Variants in ESRRG observed in about 807,000 individuals in gnomAD.
The protein encoded by ESRRG is estrogen related receptor gamma, also known as estrogen-related receptor gamma.
In ESRRG, 13 loss-of-function variants were observed where a neutral mutation model predicts 44.0. The observed-to-expected ratio is 0.30, with a 90% CI of 0.19 to 0.47. The LOEUF is 0.47. ESRRG is among the 20% of genes least tolerant of loss of function. The probability of loss-of-function intolerance (pLI) is 1.00; values close to 1 mark genes in which losing one functional copy is unlikely to be tolerated. For missense variants in ESRRG, 395 were observed against 580.6 expected, an observed-to-expected ratio of 0.68 and a Z score of 3.29; for synonymous variants, 215 against 214.6, an observed-to-expected ratio of 1.00 and a Z score of -0.02.
At chr1:216,660,427 A>G (rs1269580045) in intron 2 of ESRRG, among the ~76,000 whole-genome samples, 2 of 152,196 alleles carry the variant, frequency 1.3e-5, no homozygotes, top group Non-Finnish European at 2.9e-5. Flanking sequence ...AGGCAGAGAG[A>G]GAATAAGGTA....
rs763291110 is a variant in ESRRG at position 216,912,107 on chromosome 1, GAAGAA to G, written c.-14+27470_-14+27474del. Among the ~76,000 whole-genome samples the G allele has an allele frequency of 4.5e-3, 338 of 74,356 alleles. 4 individuals are homozygous for G. The highest frequency in any genetic ancestry group is 6.6e-3 in the Non-Finnish European group (236 of 35,868). The allele number at this position is 74,356 out of a possible 152,430, so 48.8% of individuals were successfully genotyped here. A position where few individuals can be genotyped will look rare whatever the true frequency, so the allele number is the denominator to read the frequency against. On this transcript the variant is annotated intron_variant, in intron 2 of 7. Transcript: ENST00000359162. ...GAGCAAGACCCACCCTGTAAAAAAA[GAAGAA>G]AAGAAAAGAAAAGAAAAGAAAAGAA...
At chr1:217,064,418 T>G (rs1200074349) in intron 1 of ESRRG, among the ~76,000 whole-genome samples, 2 of 152,174 alleles carry the variant, frequency 1.3e-5, no homozygotes, top group African/African-American at 4.8e-5. Context: ...TGAGGCTGAA[T>G]GATGCTAAGT....
At chr1:216,511,594 T>C (rs1361806308) in intron 6 of ESRRG, among the ~76,000 whole-genome samples, 1 of 105,520 alleles carries the variant, frequency 9.5e-6, no homozygotes. Flanking sequence ...TCTATGTGTG[T>C]CTGCATCCCC....
intron 3 of ESRRG, among the ~76,000 whole-genome samples, chr1:216,600,612 A>G (rs1402962395): frequency 6.6e-6 from 1 of 152,110 alleles, no homozygotes; most frequent in African/African-American, 2.4e-5. Context: ...AGGTTATTTC[A>G]TCACCCAGGT....
At chr1:217,045,679 C>A (rs545927770) in intron 1 of ESRRG, among the ~76,000 whole-genome samples, 2 of 152,164 alleles carry the variant, frequency 1.3e-5, no homozygotes, top group African/African-American at 2.4e-5. Flanking sequence ...CCATGTTAAC[C>A]GGGCTTTTCC....
At chr1:216,987,715 T>C (rs185395395) in intron 1 of ESRRG, among the ~76,000 whole-genome samples, 7 of 152,254 alleles carry the variant, frequency 4.6e-5, no homozygotes, top group Admixed American at 2.0e-4. Flanking sequence ...CCTTCTTCCT[T>C]ACCAAGTTAG....
intron 2 of ESRRG, among the ~76,000 whole-genome samples, chr1:216,931,277 AT>A (rs984624329): frequency 2.6e-5 from 4 of 151,834 alleles, no homozygotes; most frequent in African/African-American, 9.7e-5. Context: ...TTATTATTTC[AT>A]TTTTTCTAAC....
At chr1:216,789,472 C>T (rs36115884) in intron 2 of ESRRG, among the ~76,000 whole-genome samples, 30,799 of 152,048 alleles carry the variant, frequency 0.2, 3,422 homozygotes, top group South Asian at 0.28. Context: ...ACTTAATAGA[C>T]CACAGCATAG....
intron 2 of ESRRG, among the ~76,000 whole-genome samples, chr1:216,667,501 C>T (rs1342414219): frequency 6.6e-6 from 1 of 151,726 alleles, no homozygotes; most frequent in African/African-American, 2.4e-5. Context: ...GCTTGGCAAA[C>T]ATGGTGAAAC....
chr1:217,024,352 C>T (rs1363138639), intron 1 of ESRRG, among the ~76,000 whole-genome samples: 1 of 138,648 alleles, frequency 7.2e-6, no homozygotes, highest in Non-Finnish European at 1.5e-5. Flanking sequence ...AGCAAGAGTC[C>T]ATTTAAAAAA....
At chr1:216,596,117 A>G (rs1239783595) in intron 3 of ESRRG, among the ~76,000 whole-genome samples, 1 of 152,174 alleles carries the variant, frequency 6.6e-6, no homozygotes, top group Non-Finnish European at 1.5e-5. Flanking sequence ...CGAATGAGGA[A>G]CAACATAAAA....
chr1:216,692,975 C>T (rs1037506395), intron 1 of ESRRG, among the ~76,000 whole-genome samples: 8 of 152,208 alleles, frequency 5.3e-5, no homozygotes, highest in African/African-American at 1.9e-4. Context: ...TTTCCCAGAA[C>T]ATATCCTTGT....
intron 2 of ESRRG, among the ~76,000 whole-genome samples, chr1:216,747,382 C>T (rs142935197): frequency 2.0e-5 from 3 of 152,170 alleles, no homozygotes; most frequent in Admixed American, 6.5e-5. Context: ...CTTTGTCTCA[C>T]GTGCTAGGTC....
chr1:216,771,637 G>T (rs2093384973), intron 2 of ESRRG, among the ~76,000 whole-genome samples: 1 of 152,038 alleles, frequency 6.6e-6, no homozygotes, highest in South Asian at 2.1e-4. Context: ...GTATTTAAAA[G>T]CTTCCTTATG....
intron 1 of ESRRG, among the ~76,000 whole-genome samples, chr1:217,129,585 C>A (rs1407068724): frequency 6.6e-6 from 1 of 152,078 alleles, no homozygotes; most frequent in Non-Finnish European, 1.5e-5. Context: ...GGTGATATAT[C>A]CATAATATTG....
intron 1 of ESRRG, among the ~76,000 whole-genome samples, chr1:216,687,025 C>CTG (rs1223144325): frequency 5.8e-5 from 2 of 34,564 alleles, no homozygotes; most frequent in Non-Finnish European, 1.1e-4. Flanking sequence ...ATGGCAGGGC[C>CTG]CGTGTGTGTG....
intron 5 of ESRRG, among the ~76,000 whole-genome samples, chr1:216,547,415 A>G (rs757877940): frequency 2.6e-5 from 4 of 152,042 alleles, no homozygotes; most frequent in African/African-American, 4.8e-5. Context: ...TTTTTCCATC[A>G]CTGCTAACAA....
intron 1 of ESRRG, among the ~76,000 whole-genome samples, chr1:217,067,686 T>C (rs184252773): frequency 3.3e-5 from 5 of 152,330 alleles, no homozygotes; most frequent in Admixed American, 2.6e-4. Flanking sequence ...TCCTTTGTCA[T>C]AGTCTTAGAA....
intron 3 of ESRRG, among the ~76,000 whole-genome samples, chr1:216,586,745 T>G (rs1177052735): frequency 2.2e-5 from 1 of 44,678 alleles, no homozygotes; most frequent in Non-Finnish European, 5.3e-5. Flanking sequence ...CTGGCTAATT[T>G]TTTTTGTATT....
Sources: gnomAD v4.1 joint callset for allele counts (sites outside exome capture counted in the v4.1 genomes callset) on GRCh38, gnomAD v4.1.1 for gene constraint, MANE v1.5 for transcripts, NCBI Gene and HGNC (gene_info 2026-07-23, HGNC 2026-07-21) for gene names.